The following SPOCK3 variants were observed in gnomAD, a reference collection of about 807,000 sequenced individuals.
SPOCK3 encodes the protein SPARC (osteonectin), cwcv and kazal like domains proteoglycan 3.
A neutral mutation model predicts 56.6 loss-of-function variants in SPOCK3; 30 were observed. The observed-to-expected ratio is 0.53, with a 90% CI of 0.40 to 0.72. The LOEUF (loss-of-function observed/expected upper bound fraction) is 0.72, where lower values mean the gene tolerates loss of function less well. Among genes scored for constraint, SPOCK3 ranks in the 30% least tolerant of loss-of-function variants. SPOCK3 has a pLI of 0.00. For synonymous variants in SPOCK3, 196 were observed against 183.3 expected, an observed-to-expected ratio of 1.07 and a Z score of -0.56; for missense variants, 527 against 530.0, an observed-to-expected ratio of 0.99 and a Z score of 0.06.
chr4:167,107,832 A>G (rs1474121412), intron 2 of SPOCK3, among the ~76,000 whole-genome samples: 4 of 151,914 alleles, frequency 2.6e-5, no homozygotes, highest in African/African-American at 2.4e-5. Flanking sequence ...TTAAAAAGTA[A>G]CCCCATTTAA....
At chr4:167,041,875 T>C (rs1753261802) in intron 3 of SPOCK3, among the ~76,000 whole-genome samples, 1 of 152,028 alleles carries the variant, frequency 6.6e-6, no homozygotes, top group South Asian at 2.1e-4. Context: ...CATAAATATA[T>C]ACAATTTTAT....
Position 166,768,403 on chromosome 4 carries a change from C to A in SPOCK3, c.710-13674G>T, listed in dbSNP as rs560633922. 4.2e-3 allele frequency among the ~76,000 whole-genome samples: 636 copies of A among 152,252 alleles called. 2 individuals are homozygous for A. The highest frequency in any genetic ancestry group is 7.5e-3 in the Non-Finnish European group (510 of 68,026). ...GCCTGGTGGTGAGAAAATCCCTCAG[C>A]ATTTGCTTGTCTGTAAAGGATTTTA... On this transcript the variant is annotated intron_variant, in intron 7 of 10. Coordinates refer to ENST00000357545, the MANE Select transcript of SPOCK3 (RefSeq NM_001040159.2).
At chr4:166,791,102 A>G in intron 7 of SPOCK3, among the ~76,000 whole-genome samples, 1 of 152,078 alleles carries the variant, frequency 6.6e-6, no homozygotes, top group Non-Finnish European at 1.5e-5. Context: ...GAAATTCATA[A>G]AAAGAAATAT....
intron 6 of SPOCK3, among the ~76,000 whole-genome samples, chr4:166,841,338 GAAT>G (rs750932085): frequency 2.0e-5 from 3 of 152,026 alleles, no homozygotes; most frequent in East Asian, 1.9e-4. Context: ...CACAGAATAA[GAAT>G]AATAAGTGTA....
At chr4:167,061,504 A>G (rs1755605136) in intron 3 of SPOCK3, among the ~76,000 whole-genome samples, 1 of 152,002 alleles carries the variant, frequency 6.6e-6, no homozygotes, top group African/African-American at 2.4e-5. Flanking sequence ...CCATGTTAAT[A>G]CCAATGTTGA....
At chr4:167,085,187 AAC>A (rs1239587678) in intron 2 of SPOCK3, among the ~76,000 whole-genome samples, 39 of 152,112 alleles carry the variant, frequency 2.6e-4, no homozygotes, top group Admixed American at 7.2e-4. Context: ...AAAAAAAAAA[AAC>A]ACAAATGTCC....
chr4:167,127,905 T>C (rs925235368), intron 2 of SPOCK3, among the ~76,000 whole-genome samples: 10 of 152,342 alleles, frequency 6.6e-5, no homozygotes, highest in Admixed American at 2.0e-4. Context: ...TAAATTACCA[T>C]ACACTTGTGA....
chr4:166,862,289 T>C (rs1192414665), intron 6 of SPOCK3, among the ~76,000 whole-genome samples: 2 of 151,786 alleles, frequency 1.3e-5, no homozygotes, highest in African/African-American at 4.8e-5. Flanking sequence ...TGTTTGAAGG[T>C]AACCAAGTTA....
chr4:167,072,247 C>T (rs995741528), intron 2 of SPOCK3, among the ~76,000 whole-genome samples: 6 of 152,044 alleles, frequency 3.9e-5, no homozygotes, highest in Non-Finnish European at 8.8e-5. Context: ...TGAAACCATT[C>T]CAGCATACCA....
chr4:166,834,927 T>G (rs1393720336), intron 6 of SPOCK3, among the ~76,000 whole-genome samples: 1 of 152,150 alleles, frequency 6.6e-6, no homozygotes, highest in Middle Eastern at 3.2e-3. Context: ...AATCTTTATT[T>G]TTTGTTTTAC....
intron 3 of SPOCK3, among the ~76,000 whole-genome samples, chr4:167,035,112 C>T (rs533361818): frequency 2.0e-4 from 31 of 152,194 alleles, no homozygotes; most frequent in African/African-American, 7.0e-4. Flanking sequence ...ACTCTGCCAA[C>T]TTAAATACTT....
intron 4 of SPOCK3, among the ~76,000 whole-genome samples, chr4:166,969,659 T>C (rs1579843086): frequency 6.6e-6 from 1 of 151,966 alleles, no homozygotes; most frequent in Non-Finnish European, 1.5e-5. Context: ...TCCTGAGGTC[T>C]CCCTGCCATG....
chr4:167,031,722 C>T (rs1189761632), intron 3 of SPOCK3, among the ~76,000 whole-genome samples: 2 of 151,934 alleles, frequency 1.3e-5, no homozygotes, highest in Non-Finnish European at 2.9e-5. Flanking sequence ...ATGCATCTGC[C>T]AGCAATCTTT....
chr4:167,066,179 T>C (rs938677912), intron 2 of SPOCK3, among the ~76,000 whole-genome samples: 4 of 151,954 alleles, frequency 2.6e-5, no homozygotes, highest in African/African-American at 9.7e-5. Context: ...AAATAAAATA[T>C]ATGTGCACTT....
intron 7 of SPOCK3, among the ~76,000 whole-genome samples, chr4:166,783,761 T>C (rs534700993): frequency 1.3e-5 from 2 of 152,256 alleles, no homozygotes; most frequent in Admixed American, 6.5e-5. Flanking sequence ...ACTTTTTCTA[T>C]TGGTTTTAAC....
At chr4:167,051,556 A>G (rs184644028) in intron 3 of SPOCK3, among the ~76,000 whole-genome samples, 1 of 152,354 alleles carries the variant, frequency 6.6e-6, no homozygotes, top group East Asian at 1.9e-4. Context: ...CCCTTCTTCA[A>G]TGGACTAGCA....
At chr4:167,058,438 T>G (rs1483019050) in intron 3 of SPOCK3, among the ~76,000 whole-genome samples, 1 of 152,088 alleles carries the variant, frequency 6.6e-6, no homozygotes, top group Non-Finnish European at 1.5e-5. Flanking sequence ...GAATCCAACT[T>G]ACAAGGGATG....
rs758562315 is a variant in SPOCK3, at chr4:167,167,267, A to G, written c.189+66718T>C. On this transcript the variant is annotated intron_variant, in intron 2 of 10. Coordinates refer to ENST00000357545, the MANE Select transcript of SPOCK3 (RefSeq NM_001040159.2). ...TTGAATTTTTAAAAAATAGTTTCAA[A>G]TGGAGGAGGATGTAAGGAGTGTAAT... 8.7e-4 allele frequency among the ~76,000 whole-genome samples: 133 copies of G among 152,150 alleles called. 2 individuals carry two copies. Among genetic ancestry groups the G allele is most frequent in the Non-Finnish European group, 3.5e-4 (24 of 68,014 alleles).
rs1734015905 is a variant in SPOCK3, at chr4:166,734,422, A to G, written c.*499T>C. 6.6e-6 allele frequency: 1 copy of G among 152,148 alleles called. No individual in the cohort carries two copies. The allele number at this position is 152,148 out of a possible 1,614,324, so 9.4% of individuals were successfully genotyped here. ...CAATTGTCACTTTGTTTTTCTTGCC[A>G]TGTGGTATCTCTCTGTTATCCTGAC... On this transcript the variant is annotated 3_prime_UTR_variant, in exon 11 of 11. Coordinates refer to ENST00000357545, the MANE Select transcript of SPOCK3 (RefSeq NM_001040159.2).
Sources: gnomAD v4.1 joint callset for allele counts (sites outside exome capture counted in the v4.1 genomes callset) on GRCh38, gnomAD v4.1.1 for gene constraint, MANE v1.5 for transcripts, NCBI Gene and HGNC (gene_info 2026-07-23, HGNC 2026-07-21) for gene names.